Variants in NARF observed in about 807,000 individuals in gnomAD.
The protein encoded by NARF is nuclear prelamin A recognition factor.
In NARF, 41 loss-of-function variants were observed where a neutral mutation model predicts 48.0. That is an observed-to-expected ratio of 0.85 (90% CI 0.66 to 1.11). The LOEUF is 1.11. Among genes scored for constraint, NARF ranks in the 50% least tolerant of loss-of-function variants. The probability of loss-of-function intolerance (pLI) is 0.00; values close to 1 mark genes in which losing one functional copy is unlikely to be tolerated. For missense variants in NARF, 613 were observed against 590.2 expected, an observed-to-expected ratio of 1.04 and a Z score of -0.40; for synonymous variants, 215 against 225.5, an observed-to-expected ratio of 0.95 and a Z score of 0.42.
At position 82,464,504 on chromosome 17, in the gene NARF, C is replaced by G. The variant is rs2043514621; in HGVS notation, c.252+74C>G. On this transcript the variant is annotated intron_variant, in intron 3 of 10. Coordinates refer to ENST00000309794, the MANE Select transcript of NARF (RefSeq NM_012336.4). ...AGTGGAGGTGAGGCCTGGCTTCCTG[C>G]ACAGAAGCCTCTGCTGGGACATCGG... 6 of 1,505,964 alleles carry G rather than the reference C, an allele frequency of 4.0e-6. No individual in the cohort carries two copies. In the Admixed American group the frequency reaches 8.5e-5, roughly 21 times the overall value. 93.3% of individuals were successfully genotyped at this position (1,505,964 alleles called of 1,614,324 possible). A position where few individuals can be genotyped will look rare whatever the true frequency, so the allele number is the denominator to read the frequency against.
chr17:82,465,774 C>T (rs562328546), intron 3 of NARF, among the ~76,000 whole-genome samples: 1 of 152,296 alleles, frequency 6.6e-6, no homozygotes, highest in Admixed American at 6.5e-5. Context: ...CCATGTTGCC[C>T]AGGCTGGTCC....
At position 82,472,948 on chromosome 17, in the gene NARF, A is replaced by T. The variant is rs181567113; in HGVS notation, c.520+250A>T. Among the ~76,000 whole-genome samples the T allele has an allele frequency of 6.9e-3, 1,035 of 149,498 alleles. 9 individuals carry two copies. Among genetic ancestry groups the T allele is most frequent in the African/African-American group, 0.024 (991 of 40,818 alleles). Reference sequence around the variant, plus strand: ...TATTTAATTTTATTTTATTTTTATTATTTTTTTTTTGAGACAGAGTCTCGC... The same window carrying T: ...TATTTAATTTTATTTTATTTTTATTTTTTTTTTTTTGAGACAGAGTCTCGC... On this transcript the variant is annotated intron_variant, in intron 5 of 10. Coordinates refer to ENST00000309794, the MANE Select transcript of NARF (RefSeq NM_012336.4).
intron 4 of NARF, among the ~76,000 whole-genome samples, chr17:82,471,394 G>T (rs1390810086): frequency 6.7e-6 from 1 of 150,240 alleles, no homozygotes; most frequent in Non-Finnish European, 1.5e-5. Flanking sequence ...GGCGGAGCTT[G>T]CAGTGAGCCG....
At position 82,484,824 on chromosome 17, in the gene NARF, TGAA is replaced by T. The variant is rs759779587; in HGVS notation, c.847_849del (p.Lys283del). ...CTCTGCCTTGTGAGGTTTGGAGACT[TGAA>T]GGAGGACAAAGTGACGCGTCATGAT... On this transcript the variant is annotated inframe_deletion, in exon 9 of 11. Transcript: ENST00000309794. 42 of 1,605,532 alleles carry T rather than the reference TGAA, an allele frequency of 2.6e-5. No individual in the cohort carries two copies. The highest frequency in any genetic ancestry group is 2.2e-4 in the Admixed American group (13 of 58,436).
intron 4 of NARF, among the ~76,000 whole-genome samples, 175 bp from the exon 5 acceptor site, chr17:82,472,389 T>G (rs535554185): frequency 6.7e-6 from 1 of 150,084 alleles, no homozygotes; most frequent in South Asian, 2.1e-4. Flanking sequence ...GAGACTGAGG[T>G]GGGAGGATCA....
Position 82,464,315 on chromosome 17 carries a change from C to A in NARF, c.137C>A (p.Ala46Asp). 6.2e-7 allele frequency: 1 copy of A among 1,613,628 alleles called. No individual in the cohort carries two copies. The highest frequency in any genetic ancestry group is 1.3e-5 in the African/African-American group (1 of 75,036). ...GGAGAATTCCACAAGTTGGCTGATG[C>A]CAAGATATTTTTGAGCGACTGCCTG... ...EKGEFHKLAD[A>D]KIFLSDCLAC... The change falls in exon 3 of 11, where the codon GCC (alanine) becomes GAC (aspartate). Residue 46 changes from alanine (A) to aspartate (D), a missense_variant. Ala to Asp is a moderately radical substitution (Grantham distance 126, BLOSUM62 -2). Coordinates refer to ENST00000309794, the MANE Select transcript of NARF (RefSeq NM_012336.4).
At chr17:82,470,573 C>A (rs2043675214) in intron 4 of NARF, among the ~76,000 whole-genome samples, 1 of 152,142 alleles carries the variant, frequency 6.6e-6, no homozygotes, top group African/African-American at 2.4e-5. Context: ...CGGCTCACTG[C>A]AAGCTCCACC....
At chr17:82,465,552 C>G (rs917284146) in intron 3 of NARF, among the ~76,000 whole-genome samples, 1 of 152,114 alleles carries the variant, frequency 6.6e-6, no homozygotes, top group Non-Finnish European at 1.5e-5. Context: ...GGCTTCTGGA[C>G]AAGTCATCCA....
upstream of NARF, chr17:82,458,405 C>A: frequency 5.4e-6 from 1 of 186,284 alleles, no homozygotes; most frequent in South Asian, 1.2e-4. Flanking sequence ...TCGGGACAGT[C>A]CGCGCGCTCA....
chr17:82,474,060 C>T (rs1248602515), intron 5 of NARF, among the ~76,000 whole-genome samples: 3 of 152,036 alleles, frequency 2.0e-5, no homozygotes, highest in Non-Finnish European at 4.4e-5. Flanking sequence ...TGGCAAGTAC[C>T]TGTAATCACA....
At chr17:82,482,443 A>AAAATAAAAACATGCGCG (rs1567944588) in intron 7 of NARF, 1 of 69,896 alleles carries the variant, frequency 1.4e-5, no homozygotes, top group Non-Finnish European at 2.6e-5. Flanking sequence ...GTGGGCTGTC[A>AAAATAAAAACATGCGCG]GAAGAACCAT....
At chr17:82,470,322 G>C (rs73999943) in intron 4 of NARF, among the ~76,000 whole-genome samples, 3,578 of 152,122 alleles carry the variant, frequency 0.024, 141 homozygotes, top group African/African-American at 0.083. Flanking sequence ...TAAAGCCTCG[G>C]GTTAGGTTAG....
chr17:82,458,440 GGCC>G (rs565978884), upstream of NARF: 287 of 236,182 alleles, frequency 1.2e-3, no homozygotes, highest in East Asian at 1.6e-3. Context: ...AACGCCGCTT[GGCC>G]GCCGCCGCCG....
At chr17:82,479,682 T>G (rs568012425) in intron 6 of NARF, among the ~76,000 whole-genome samples, 4 of 152,154 alleles carry the variant, frequency 2.6e-5, no homozygotes, top group African/African-American at 4.8e-5. Flanking sequence ...GTAACTGGAG[T>G]AGAGGGTAAC....
At chr17:82,461,348 A>C (rs2043433753) in intron 2 of NARF, among the ~76,000 whole-genome samples, 1 of 152,178 alleles carries the variant, frequency 6.6e-6, no homozygotes, top group Non-Finnish European at 1.5e-5. Context: ...ATGGTGGCTC[A>C]CACCTGTAAT....
Position 82,478,847 on chromosome 17 carries a change from C to T in NARF, c.568C>T (p.His190Tyr), listed in dbSNP as rs758188933. The T allele has an allele frequency of 3.7e-6, 6 of 1,613,940 alleles. No individual in the cohort carries two copies. Among genetic ancestry groups the T allele is most frequent in the Admixed American group, 3.3e-5 (2 of 59,990 alleles). The change falls in exon 6 of 11, where the codon CAC (histidine) becomes TAC (tyrosine). Residue 190 changes from histidine (H) to tyrosine (Y), a missense_variant. Physicochemically the swap from His to Tyr is moderately conservative, Grantham distance 83 (BLOSUM62 2). Coordinates refer to ENST00000309794, the MANE Select transcript of NARF (RefSeq NM_012336.4). Reference sequence around the variant, plus strand: ...GGTGCTGGGTCGCCCCATCACTGCCCACCTCTGCACCGCCAAGTCCCCCCA... The same window carrying T: ...GGTGCTGGGTCGCCCCATCACTGCCTACCTCTGCACCGCCAAGTCCCCCCA... ...ERVLGRPITA[H>Y]LCTAKSPQQV...
In NARF at chr17:82,468,861, C is replaced by G; in HGVS notation, c.350C>G (p.Ala117Gly). 6.2e-7 allele frequency: 1 copy of G among 1,614,106 alleles called. No homozygotes were observed. ...AAKFNLSVTD[A>G]SRRLCGFLKS... ...AAATTCAACCTCAGTGTAACTGATG[C>G]ATCCAGAAGACTCTGTGGTTTCCTC... Residue 117 changes from alanine (A) to glycine (G), a missense_variant, in exon 4 of 11, where the codon GCA becomes GGA. Ala to Gly is a moderately conservative substitution (Grantham distance 60, BLOSUM62 0). Transcript: ENST00000309794.
intron 5 of NARF, among the ~76,000 whole-genome samples, chr17:82,474,567 C>T (rs563108418): frequency 3.3e-5 from 5 of 152,300 alleles, no homozygotes; most frequent in African/African-American, 9.6e-5. Flanking sequence ...TAGTCGTAGG[C>T]TGTATAATTT....
At chr17:82,461,189 G>A (rs1433388889) in intron 2 of NARF, among the ~76,000 whole-genome samples, 1 of 152,136 alleles carries the variant, frequency 6.6e-6, no homozygotes, top group African/African-American at 2.4e-5. Flanking sequence ...CTCCCAAAGT[G>A]CTGGGATTAC....
Sources: allele counts gnomAD v4.1 joint callset (sites outside exome capture counted in the v4.1 genomes callset), GRCh38; gene constraint gnomAD v4.1.1; transcripts MANE v1.5; gene names NCBI Gene and HGNC (gene_info 2026-07-23, HGNC 2026-07-21).